The following SLC6A20 variants were observed in gnomAD, a reference collection of about 807,000 sequenced individuals.
The protein encoded by SLC6A20 is sodium- and chloride-dependent transporter XTRP3.
Under a neutral mutation model 64.3 loss-of-function variants are expected in SLC6A20, and 73 were observed. The observed-to-expected ratio is 1.14, with a 90% confidence interval of 0.94 to 1.38. SLC6A20 has a LOEUF of 1.38. Among genes scored for constraint, SLC6A20 ranks in the 40% most tolerant of loss-of-function variants. The probability of loss-of-function intolerance (pLI) is 0.00; values close to 1 mark genes in which losing one functional copy is unlikely to be tolerated. For missense variants in SLC6A20, 725 were observed against 772.8 expected (o/e 0.94, Z 0.73); for synonymous variants, 347 against 329.6 (o/e 1.05, Z -0.57).
chr3:45,793,658 T>C (rs1452348001), intron 1 of SLC6A20, among the ~76,000 whole-genome samples: 1 of 152,120 alleles, frequency 6.6e-6, no homozygotes, highest in Non-Finnish European at 1.5e-5. Context: ...GGGGCACAGA[T>C]CCCTAATCCG....
At chr3:45,762,453 C>T (rs891600933) in intron 9 of SLC6A20, among the ~76,000 whole-genome samples, 2 of 152,226 alleles carry the variant, frequency 1.3e-5, no homozygotes, top group Admixed American at 6.5e-5. Context: ...CTGGGGAGAA[C>T]TAAAACATTC....
rs1418199416 is a variant in SLC6A20 at position 45,757,945 on chromosome 3, T to TTGC, written c.*1030_*1032dup. On this transcript the variant is annotated 3_prime_UTR_variant, in exon 11 of 11. Coordinates refer to ENST00000358525, the MANE Select transcript of SLC6A20 (RefSeq NM_020208.4). ...TTTTTTTTTTTTTTGAGTCAGAGTC[T>TTGC]TGCTCTGTCGCCCAGACTGGAGTGG... 2.0e-5 allele frequency: 3 copies of TTGC among 148,496 alleles called. No homozygotes were observed. Among genetic ancestry groups the TTGC allele is most frequent in the African/African-American group, 7.4e-5 (3 of 40,318 alleles). 9.2% of individuals were successfully genotyped at this position (148,496 alleles called of 1,614,324 possible).
At chr3:45,796,195 C>A (rs1337069321) in intron 1 of SLC6A20, 104 bp downstream of exon 1, 1 of 1,499,926 alleles carries the variant, frequency 6.7e-7, no homozygotes, top group East Asian at 2.6e-5. Flanking sequence ...CTCGCTTTCC[C>A]GGCCTCAGTG....
intron 9 of SLC6A20, 27 bp from the exon 10 acceptor site, chr3:45,760,049 C>A: frequency 6.3e-7 from 1 of 1,595,924 alleles, no homozygotes; most frequent in Admixed American, 1.7e-5. Context: ...GAGAGAAAGT[C>A]TGGATTAACC....
intron 1 of SLC6A20, among the ~76,000 whole-genome samples, chr3:45,789,885 C>T (rs886874994): frequency 1.3e-5 from 2 of 152,212 alleles, no homozygotes; most frequent in Admixed American, 1.3e-4. Flanking sequence ...AGCCTCCACA[C>T]CCGGCCCTTT....
At position 45,796,300 on chromosome 3, in the gene SLC6A20, TC is replaced by T. The variant is rs1346155169; in HGVS notation, c.119del (p.Gly40GlufsTer89). 1 of 1,604,844 alleles carries T rather than the reference TC, an allele frequency of 6.2e-7. No homozygotes were observed. The highest frequency in any genetic ancestry group is 8.5e-7 in the Non-Finnish European group (1 of 1,176,186). The part of the protein sequence containing the change: ...RFPYLCQMYG[G>X]GSFLVPYIIM... ...GGCCGGGGCGCGGTGGGCACTCACCTCCGCCGTACATCTGGCACAGGTACGG... is the reference window on the plus strand; with the variant it reads ...GGCCGGGGCGCGGTGGGCACTCACCTCGCCGTACATCTGGCACAGGTACGG... On this transcript the variant is annotated frameshift_variant and splice_region_variant, in exon 1 of 11. Coordinates refer to ENST00000358525, the MANE Select transcript of SLC6A20 (RefSeq NM_020208.4). LOFTEE classifies it high-confidence loss of function.
At chr3:45,761,763 A>T (rs139989259) in intron 9 of SLC6A20, among the ~76,000 whole-genome samples, 2 of 152,290 alleles carry the variant, frequency 1.3e-5, no homozygotes, top group African/African-American at 4.8e-5. Flanking sequence ...AAATGCTGCA[A>T]TTCTAACCCT....
chr3:45,767,514 G>T, intron 7 of SLC6A20, among the ~76,000 whole-genome samples: 1 of 152,058 alleles, frequency 6.6e-6, no homozygotes, highest in Non-Finnish European at 1.5e-5. Flanking sequence ...AATAAAAAAG[G>T]ATAAAAAGAT....
At chr3:45,776,741 A>G (rs570452640) in intron 3 of SLC6A20, among the ~76,000 whole-genome samples, 1 of 152,324 alleles carries the variant, frequency 6.6e-6, no homozygotes, top group East Asian at 1.9e-4. Context: ...AAATCAGCAA[A>G]GACCACCCAA....
In SLC6A20 at chr3:45,772,591, G is replaced by A. The variant is rs772102930; in HGVS notation, c.607C>T (p.Pro203Ser). Residue 203 changes from proline to serine, a missense_variant, in exon 5 of 11, where the codon CCC becomes TCC. Coordinates refer to ENST00000358525, the MANE Select transcript of SLC6A20 (RefSeq NM_020208.4). ...AGGTAGATGATGAGCACGCAATAGGGCAGTGACGCCGTGAAATACACCACC... is the reference window on the plus strand; with the variant it reads ...AGGTAGATGATGAGCACGCAATAGGACAGTGACGCCGTGAAATACACCACC... ...GKVVYFTASLPYCVLIIYLIR... is the reference protein window; with the variant it reads ...GKVVYFTASLSYCVLIIYLIR... 1.2e-6 allele frequency: 2 copies of A among 1,613,848 alleles called. No homozygotes were observed. The highest frequency in any genetic ancestry group is 4.5e-5 in the East Asian group (2 of 44,880).
At chr3:45,795,773 C>T (rs1195787222) in intron 1 of SLC6A20, among the ~76,000 whole-genome samples, 1 of 152,198 alleles carries the variant, frequency 6.6e-6, no homozygotes, top group Non-Finnish European at 1.5e-5. Context: ...TTTGCATTTC[C>T]TGCTTTCTGT....
intron 4 of SLC6A20, among the ~76,000 whole-genome samples, chr3:45,774,393 T>G (rs1397616352): frequency 6.6e-6 from 1 of 152,164 alleles, no homozygotes; most frequent in Non-Finnish European, 1.5e-5. Context: ...CTGGCAAACA[T>G]AAATTACAAA....
chr3:45,770,192 T>G lies in SLC6A20; in HGVS notation c.1098+17A>C, dbSNP rs1575427622. On this transcript the variant is annotated intron_variant, in intron 7 of 10. Coordinates refer to ENST00000358525, the MANE Select transcript of SLC6A20 (RefSeq NM_020208.4). ...TGTGGAGAGAAGCCAGTCCTTGACC[T>G]TGCCTGGGCATCTTACCGTGTCTAG... The G allele has an allele frequency of 6.2e-7, 1 of 1,614,094 alleles. No homozygotes were observed.
chr3:45,792,514 A>T (rs1700272391), intron 1 of SLC6A20, among the ~76,000 whole-genome samples: 1 of 152,204 alleles, frequency 6.6e-6, no homozygotes, highest in Admixed American at 6.5e-5. Flanking sequence ...TTGAGTCTGG[A>T]AAACTTGGGT....
chr3:45,773,244 G>T (rs1455527720), intron 4 of SLC6A20, among the ~76,000 whole-genome samples: 1 of 152,204 alleles, frequency 6.6e-6, no homozygotes, highest in Non-Finnish European at 1.5e-5. Flanking sequence ...TAGCGTAGAG[G>T]ACAATGTCCC....
At chr3:45,795,048 G>A (rs532266695) in intron 1 of SLC6A20, among the ~76,000 whole-genome samples, 7 of 152,172 alleles carry the variant, frequency 4.6e-5, no homozygotes, top group South Asian at 4.1e-4. Flanking sequence ...GTTCATTTTC[G>A]TAAATACTTT....
rs1700286563 is a variant in SLC6A20, at chr3:45,793,253, G to C, written c.121+3046C>G. Reference sequence around the variant, plus strand: ...AATATTGCAGAGAGAAAATTTAAGAGAAAAAAATCCATATTTCCACCAGTC... The same window carrying C: ...AATATTGCAGAGAGAAAATTTAAGACAAAAAAATCCATATTTCCACCAGTC... On this transcript the variant is annotated intron_variant, in intron 1 of 10. Transcript: ENST00000358525. Among the ~76,000 whole-genome samples, 3 of 152,036 alleles carry C rather than the reference G, an allele frequency of 2.0e-5. No individual in the cohort carries two copies. In the South Asian group the frequency reaches 6.2e-4, roughly 31 times the overall value.
At chr3:45,764,166 G>C (rs1481161413) in intron 8 of SLC6A20, among the ~76,000 whole-genome samples, 1 of 152,232 alleles carries the variant, frequency 6.6e-6, no homozygotes, top group Non-Finnish European at 1.5e-5. Flanking sequence ...AGATGGGCCA[G>C]GGAGTGAAAC....
At chr3:45,780,148 C>G in intron 2 of SLC6A20, 48 bp from the exon 3 acceptor site, 2 of 1,536,362 alleles carry the variant, frequency 1.3e-6, no homozygotes, top group Non-Finnish European at 1.8e-6. Flanking sequence ...TGGCCCTTCC[C>G]CCTCCGCCAG....
Sources: allele counts gnomAD v4.1 joint callset (sites outside exome capture counted in the v4.1 genomes callset), GRCh38; gene constraint gnomAD v4.1.1; transcripts MANE v1.5; gene names NCBI Gene and HGNC (gene_info 2026-07-23, HGNC 2026-07-21).